Variants in CSN2 observed in about 807,000 individuals in gnomAD.
CSN2 encodes the protein beta-casein.
In CSN2, 27 loss-of-function variants were observed where a neutral mutation model predicts 27.3. The observed-to-expected ratio is 0.99, with a 90% confidence interval of 0.73 to 1.36. The LOEUF (loss-of-function observed/expected upper bound fraction) is 1.36, where lower values mean the gene tolerates loss of function less well. CSN2 is among the 40% of genes most tolerant of loss of function. The pLI, the probability that CSN2 is intolerant of heterozygous loss-of-function variation, is 0.00. For missense variants in CSN2, 333 were observed against 264.5 expected (o/e 1.26, Z -1.80); for synonymous variants, 131 against 94.8 (o/e 1.38, Z -2.22).
chr4:69,960,897 T>C, intron 2 of CSN2, 48 bp downstream of exon 2: 3 of 1,424,290 alleles, frequency 2.1e-6, no homozygotes, highest in Middle Eastern at 1.8e-4. Context: ...AATAAGCATA[T>C]AGTCCACTAT....
At chr4:69,956,725 A>T (rs1489598883) in intron 6 of CSN2, among the ~76,000 whole-genome samples, 1 of 152,176 alleles carries the variant, frequency 6.6e-6, no homozygotes, top group Non-Finnish European at 1.5e-5. Flanking sequence ...ATTAAATTTA[A>T]TTCCGGCTTT....
chr4:69,958,996 G>T (rs766596030), intron 4 of CSN2, 43 bp from the exon 5 acceptor site: 8 of 1,550,908 alleles, frequency 5.2e-6, no homozygotes, highest in Non-Finnish European at 7.1e-6. Flanking sequence ...CATCTGTAAA[G>T]ATTAAAAGGA....
chr4:69,957,201 A>G, intron 6 of CSN2, 73 bp downstream of exon 6: 1 of 1,377,874 alleles, frequency 7.3e-7, no homozygotes, highest in Middle Eastern at 2.0e-4. Flanking sequence ...CATTTACTCT[A>G]CATTTATTCT....
Position 69,958,893 on chromosome 4 carries a change from A to G in CSN2, c.144+16T>C. 1 of 1,532,296 alleles carries G rather than the reference A, an allele frequency of 6.5e-7. No individual in the cohort carries two copies. The highest frequency in any genetic ancestry group is 1.2e-5 in the South Asian group (1 of 86,748). The allele number at this position is 1,532,296 out of a possible 1,614,324, so 94.9% of individuals were successfully genotyped here. A position where few individuals can be genotyped will look rare whatever the true frequency, so the allele number is the denominator to read the frequency against. Reference sequence around the variant, plus strand: ...TTATAATAATTTTAAACATATACTTATCATTAACAAATTACCTCTCCTTGC... The same window carrying G: ...TTATAATAATTTTAAACATATACTTGTCATTAACAAATTACCTCTCCTTGC... On this transcript the variant is annotated intron_variant, in intron 5 of 7. Transcript: ENST00000353151.
intron 3 of CSN2, among the ~76,000 whole-genome samples, chr4:69,959,688 C>T (rs184048064): frequency 1.2e-4 from 18 of 152,172 alleles, no homozygotes; most frequent in Non-Finnish European, 1.6e-4. Context: ...CTATCACTGG[C>T]ATCTCTAACT....
At chr4:69,955,689 G>T (rs1723374232) in intron 7 of CSN2, 97 bp from the exon 8 acceptor site, 1 of 152,444 alleles carries the variant, frequency 6.6e-6, no homozygotes, top group Non-Finnish European at 1.5e-5. Flanking sequence ...ATTCACAAAA[G>T]AAATTGTATT....
chr4:69,963,845 G>A (rs1411788882), intron 1 of CSN2, among the ~76,000 whole-genome samples: 4 of 152,020 alleles, frequency 2.6e-5, no homozygotes, highest in Admixed American at 1.3e-4. Flanking sequence ...GACCAGGACC[G>A]CAGCAATGAA....
Position 69,957,496 on chromosome 4 carries a change from C to T in CSN2, c.453G>A (p.Gln151=). 6 of 1,613,816 alleles carry T rather than the reference C, an allele frequency of 3.7e-6. No individual in the cohort carries two copies. The highest frequency in any genetic ancestry group is 5.1e-6 in the Non-Finnish European group (6 of 1,179,956). ...TCTGAGGAATAGGCTGAGGGACCTG[C>T]TGCATCAAGGGCTGGAGCAGAGGCA... The part of the protein sequence containing the change: ...LPLPLLQPLM[Q]QVPQPIPQTL... Residue 151 remains glutamine, a synonymous_variant, in exon 6 of 8, where the codon CAG becomes CAA. Coordinates refer to ENST00000353151, the MANE Select transcript of CSN2 (RefSeq NM_001891.4).
At chr4:69,962,622 C>G (rs1723635677) in intron 1 of CSN2, among the ~76,000 whole-genome samples, 3 of 152,108 alleles carry the variant, frequency 2.0e-5, no homozygotes, top group Admixed American at 2.0e-4. Context: ...GACCTAAAAC[C>G]ATAAAAACCC....
Position 69,960,092 on chromosome 4 carries a change from A to G in CSN2, c.52-13T>C. The G allele has an allele frequency of 6.2e-7, 1 of 1,610,478 alleles. No individual in the cohort carries two copies. Among genetic ancestry groups the G allele is most frequent in the Non-Finnish European group, 8.5e-7 (1 of 1,177,644 alleles). ...GGCTTTCTATGGTCTGTGGGAAAAA[A>G]AAATTGACAACCAGCTAAATCTTCT... is the stretch of plus-strand genomic sequence containing the variant. On this transcript the variant is annotated splice_polypyrimidine_tract_variant and intron_variant, in intron 2 of 7. Coordinates refer to ENST00000353151, the MANE Select transcript of CSN2 (RefSeq NM_001891.4).
chr4:69,960,218 T>C (rs1315046659), intron 2 of CSN2, 139 bp from the exon 3 acceptor site: 4 of 734,736 alleles, frequency 5.4e-6, no homozygotes, highest in South Asian at 1.9e-5. Flanking sequence ...TGAAAAGATG[T>C]TTAAAAATTC....
chr4:69,962,921 C>A (rs920858557), intron 1 of CSN2, among the ~76,000 whole-genome samples: 2 of 152,124 alleles, frequency 1.3e-5, no homozygotes, highest in Non-Finnish European at 2.9e-5. Context: ...AAAAAGTGGG[C>A]AAAGGATATG....
At chr4:69,957,937 T>G in intron 5 of CSN2, 133 bp from the exon 6 acceptor site, 1 of 899,570 alleles carries the variant, frequency 1.1e-6, no homozygotes, top group East Asian at 2.6e-5. Flanking sequence ...TTATTTTGGT[T>G]AAGAAAGTAT....
Position 69,957,390 on chromosome 4 carries a change from G to A in CSN2, c.559C>T (p.Pro187Ser), listed in dbSNP as rs775644853. The A allele has an allele frequency of 5.0e-6, 8 of 1,613,528 alleles. No individual in the cohort carries two copies. The highest frequency in any genetic ancestry group is 4.0e-5 in the African/African-American group (3 of 74,862). ...GCTTGAACAGGCACAGCTCTCTGAG[G>A]GTAGGGCACCACTTGCTGGGGGATA... The part of the protein sequence containing the change: ...LPIPQQVVPY[P>S]QRAVPVQALL... Residue 187 changes from proline (P) to serine (S), a missense_variant, in exon 6 of 8, where the codon CCT (proline) becomes TCT (serine). By Grantham distance (74) the Pro-to-Ser change is moderately conservative. Coordinates refer to ENST00000353151, the MANE Select transcript of CSN2 (RefSeq NM_001891.4).
chr4:69,957,203 A>G (rs1259128913), intron 6 of CSN2, 71 bp downstream of exon 6: 2 of 1,396,064 alleles, frequency 1.4e-6, no homozygotes, highest in East Asian at 2.3e-5. Context: ...TTTACTCTAC[A>G]TTTATTCTTT....
At chr4:69,962,918 G>C (rs1183861461) in intron 1 of CSN2, among the ~76,000 whole-genome samples, 1 of 152,114 alleles carries the variant, frequency 6.6e-6, no homozygotes, top group Admixed American at 6.5e-5. Flanking sequence ...ATCAAAAAGT[G>C]GGCAAAGGAT....
chr4:69,955,717 C>T (rs553588968), intron 7 of CSN2, 125 bp from the exon 8 acceptor site: 4 of 152,462 alleles, frequency 2.6e-5, no homozygotes, highest in East Asian at 3.9e-4. Context: ...CATTCTGTTG[C>T]GGTTTGGAGG....
At chr4:69,960,118 A>T (rs1560398703) in intron 2 of CSN2, 39 bp from the exon 3 acceptor site, 1 of 1,577,752 alleles carries the variant, frequency 6.3e-7, no homozygotes, top group South Asian at 1.1e-5. Flanking sequence ...TAAATCTTCT[A>T]GATCATTAGA....
intron 1 of CSN2, among the ~76,000 whole-genome samples, 167 bp downstream of exon 1, chr4:69,965,514 C>T (rs1723779601): frequency 7.9e-6 from 1 of 125,846 alleles, no homozygotes; most frequent in African/African-American, 3.1e-5. Context: ...TTCTTCTGGG[C>T]ACTTCTATCT....
Sources: allele counts gnomAD v4.1 joint callset (sites outside exome capture counted in the v4.1 genomes callset), GRCh38; gene constraint gnomAD v4.1.1; transcripts MANE v1.5; gene names NCBI Gene and HGNC (gene_info 2026-07-23, HGNC 2026-07-21).